ZNF221: variants seen among roughly 807,000 people sequenced by gnomAD.
ZNF221 encodes the protein zinc finger protein 221.
ZNF221 carries 10 observed loss-of-function variants against 12.6 expected under a neutral mutation model. That is an observed-to-expected ratio of 0.79 (90% confidence interval 0.49 to 1.34). ZNF221 has a LOEUF of 1.34. Ranked by LOEUF, ZNF221 falls within the 40% of genes most tolerant of loss-of-function variation. The pLI is 0.00. For synonymous variants in ZNF221, 232 were observed against 244.0 expected (o/e 0.95, Z 0.46); for missense variants, 661 against 721.4 (o/e 0.92, Z 0.96).
chr19:43,966,954 C>G lies in ZNF221; in HGVS notation c.1452C>G (p.Gly484=). The G allele has an allele frequency of 6.2e-7, 1 of 1,612,386 alleles. No individual in the cohort carries two copies. Among genetic ancestry groups the G allele is most frequent in the Non-Finnish European group, 8.5e-7 (1 of 1,179,562 alleles). The stretch of plus-strand genomic sequence containing the variant: ...GACCCTATAATTGTAAGGAATGTGG[C>G]AAGAGCTTTGGCTGGGCCTCCTGTC... ...GERPYNCKEC[G]KSFGWASCLL... is the part of the protein sequence containing the mutation. Residue 484 remains glycine (G), a synonymous_variant, in exon 5 of 5, where the codon GGC becomes GGG. Transcript: ENST00000587682.
downstream of ZNF221, among the ~76,000 whole-genome samples, chr19:43,972,656 A>G (rs1433668261): frequency 6.7e-6 from 1 of 148,744 alleles, no homozygotes; most frequent in African/African-American, 2.4e-5. Context: ...CTAGAAAAAG[A>G]GAATAAATTT....
the ZNF221 span, among the ~76,000 whole-genome samples, chr19:43,980,300 T>C: frequency 6.6e-6 from 1 of 152,226 alleles, no homozygotes; most frequent in Non-Finnish European, 1.5e-5. Flanking sequence ...TGGAATTACC[T>C]AACAGAATCA....
chr19:43,978,935 T>TGTGTG, the ZNF221 span, among the ~76,000 whole-genome samples: 12 of 117,188 alleles, frequency 1.0e-4, no homozygotes, highest in Admixed American at 3.4e-4. Flanking sequence ...GTGTGTGTGT[T>TGTGTG]TTTTTTTTTT....
At chr19:43,973,792 G>A in the ZNF221 span, among the ~76,000 whole-genome samples, 2 of 152,066 alleles carry the variant, frequency 1.3e-5, no homozygotes, top group Non-Finnish European at 2.9e-5. Context: ...TGGATAGGAA[G>A]AATCAATATT....
the ZNF221 span, among the ~76,000 whole-genome samples, chr19:43,975,342 T>G: frequency 2.6e-5 from 4 of 152,134 alleles, no homozygotes; most frequent in African/African-American, 9.7e-5. Flanking sequence ...GTCATACATA[T>G]AGACCATGGA....
intron 2 of ZNF221, among the ~76,000 whole-genome samples, chr19:43,963,821 C>T (rs1258626414): frequency 6.6e-6 from 1 of 152,158 alleles, no homozygotes; most frequent in Non-Finnish European, 1.5e-5. Flanking sequence ...ATTCTTCTTC[C>T]TAATCATATT....
Position 43,962,805 on chromosome 19 carries a change from A to G in ZNF221, c.79A>G (p.Lys27Glu). Residue 27 changes from lysine (K) to glutamate (E), a missense_variant and splice_region_variant, in exon 2 of 5, where the codon AAA becomes GAA. By Grantham distance (56) the Lys-to-Glu change is moderately conservative (BLOSUM62 1). Coordinates refer to ENST00000587682, the MANE Select transcript of ZNF221 (RefSeq NM_001297588.2). ...PEVEGKMTTF[K>E]EAVTFKDVAV... ...AGTAGAAGGAAAAATGACCACATTC[A>G]AAGTGAGTAGGGCTTGCCTCTCTTG... 4 of 1,613,420 alleles carry G rather than the reference A, an allele frequency of 2.5e-6. No individual in the cohort carries two copies. Among genetic ancestry groups the G allele is most frequent in the Non-Finnish European group, 3.4e-6 (4 of 1,179,490 alleles).
the ZNF221 span, among the ~76,000 whole-genome samples, chr19:43,975,927 A>C: frequency 6.6e-6 from 1 of 152,128 alleles, no homozygotes; most frequent in African/African-American, 2.4e-5. Context: ...ATATAGTATA[A>C]ATTTAACAAT....
At chr19:43,974,453 C>G in the ZNF221 span, among the ~76,000 whole-genome samples, 1 of 152,190 alleles carries the variant, frequency 6.6e-6, no homozygotes, top group East Asian at 1.9e-4. Context: ...TCAGGGTGAA[C>G]AGACAACCTA....
intron 1 of ZNF221, among the ~76,000 whole-genome samples, chr19:43,953,866 T>A (rs552238570): frequency 2.3e-4 from 35 of 152,188 alleles, no homozygotes; most frequent in African/African-American, 8.2e-4. Context: ...GTGGATCACC[T>A]GAGGTCAGGA....
the ZNF221 span, chr19:43,976,778 G>A: frequency 6.6e-6 from 1 of 152,048 alleles, no homozygotes; most frequent in African/African-American, 2.4e-5. Context: ...CATTATTGGA[G>A]CAAGAGTAAC....
chr19:43,970,693 AAGAC>A (rs760840415), downstream of ZNF221, among the ~76,000 whole-genome samples: 3 of 152,202 alleles, frequency 2.0e-5, no homozygotes, highest in Non-Finnish European at 4.4e-5. Context: ...TTTCTGAAAT[AAGAC>A]AGGCAGAGAA....
the ZNF221 span, among the ~76,000 whole-genome samples, chr19:43,976,571 G>A: frequency 2.6e-5 from 4 of 152,130 alleles, no homozygotes; most frequent in Non-Finnish European, 5.9e-5. Context: ...AATTGATCAT[G>A]ATTTGTGATT....
rs1158877703 is a variant in ZNF221 at position 43,967,058 on chromosome 19, C to T, written c.1556C>T (p.Ser519Leu). Residue 519 changes from serine to leucine, a missense_variant, in exon 5 of 5, where the codon TCA becomes TTA. Ser to Leu is a moderately radical substitution (Grantham distance 145). Transcript: ENST00000587682. The part of the protein sequence containing the change: ...EECGKRFTQS[S>L]QLHSHQTCHT... ...TGTGGAAAGAGATTTACTCAGAGTT[C>T]ACAACTTCATTCCCATCAGACATGC... The T allele has an allele frequency of 6.3e-7, 1 of 1,597,734 alleles. No homozygotes were observed. The highest frequency in any genetic ancestry group is 1.3e-5 in the African/African-American group (1 of 74,802).
chr19:43,971,666 A>C (rs10407289), downstream of ZNF221, among the ~76,000 whole-genome samples: 12,610 of 152,032 alleles, frequency 0.083, 578 homozygotes, highest in Middle Eastern at 0.19. Flanking sequence ...AAAAAGACAA[A>C]GCAAGGCATT....
At chr19:43,959,691 C>T (rs547571191) in intron 1 of ZNF221, among the ~76,000 whole-genome samples, 11 of 152,338 alleles carry the variant, frequency 7.2e-5, no homozygotes, top group African/African-American at 2.4e-4. Flanking sequence ...TGAAAGCTCC[C>T]TGAGGCCTCA....
At position 43,965,860 on chromosome 19, in the gene ZNF221, T is replaced by C. The variant is rs182789975; in HGVS notation, c.358T>C (p.Trp120Arg). 96 of 1,613,396 alleles carry C rather than the reference T, an allele frequency of 6.0e-5. No homozygotes were observed. In the East Asian group the frequency reaches 1.8e-3, roughly 30 times the overall value. Residue 120 changes from tryptophan (W) to arginine (R), a missense_variant, in exon 5 of 5, where the codon TGG becomes CGG. Trp to Arg is a moderately radical substitution (Grantham distance 101, BLOSUM62 -3). Coordinates refer to ENST00000587682, the MANE Select transcript of ZNF221 (RefSeq NM_001297588.2). ...TVPEAGPHEE[W>R]SCQQIWEQIA... ...TCCAGAAGCAGGACCACATGAAGAG[T>C]GGTCCTGTCAGCAAATATGGGAACA... is the stretch of plus-strand genomic sequence containing the variant.
chr19:43,977,455 G>A, the ZNF221 span: 1 of 152,208 alleles, frequency 6.6e-6, no homozygotes, highest in East Asian at 1.9e-4. Flanking sequence ...TGGATATACA[G>A]ATTGATGAGT....
intron 2 of ZNF221, 138 bp from the exon 3 acceptor site, chr19:43,964,811 TG>T: frequency 7.0e-6 from 8 of 1,151,044 alleles, no homozygotes; most frequent in African/African-American, 1.5e-5. Context: ...GCAGAATGAG[TG>T]GGAAATCTGT....
Sources: allele counts gnomAD v4.1 joint callset (sites outside exome capture counted in the v4.1 genomes callset), GRCh38; gene constraint gnomAD v4.1.1; transcripts MANE v1.5; gene names NCBI Gene and HGNC (gene_info 2026-07-23, HGNC 2026-07-21).